The following CACHD1 variants were observed in gnomAD, a reference collection of about 807,000 sequenced individuals.
CACHD1 encodes the protein VWFA and cache domain-containing protein 1.
Under a neutral mutation model 138.7 loss-of-function variants are expected in CACHD1, and 71 were observed. That is an observed-to-expected ratio of 0.51 (90% confidence interval 0.42 to 0.62). CACHD1 has a LOEUF of 0.62. CACHD1 is among the 20% of genes least tolerant of loss of function. The probability of loss-of-function intolerance (pLI) is 0.00; values close to 1 mark genes in which losing one functional copy is unlikely to be tolerated. For synonymous variants in CACHD1, 578 were observed against 591.5 expected (o/e 0.98, Z 0.33); for missense variants, 1,389 against 1,625.3 (o/e 0.85, Z 2.50).
intron 3 of CACHD1, among the ~76,000 whole-genome samples, chr1:64,599,031 G>T (rs901143176): frequency 6.6e-6 from 1 of 151,604 alleles, no homozygotes; most frequent in Non-Finnish European, 1.5e-5. Flanking sequence ...TACAAAAGAG[G>T]TCTCAGAGAG....
At chr1:64,493,349 C>T (rs1015051622) in intron 1 of CACHD1, among the ~76,000 whole-genome samples, 1 of 152,104 alleles carries the variant, frequency 6.6e-6, no homozygotes, top group African/African-American at 2.4e-5. Flanking sequence ...TTCATGAAGC[C>T]AGTGTGATGA....
At chr1:64,678,539 C>G (rs1400097003) in intron 23 of CACHD1, among the ~76,000 whole-genome samples, 1 of 152,146 alleles carries the variant, frequency 6.6e-6, no homozygotes, top group African/African-American at 2.4e-5. Context: ...GGAATTCATT[C>G]CCATAAAGCT....
chr1:64,627,398 C>T (rs1315327337), intron 4 of CACHD1, among the ~76,000 whole-genome samples: 1 of 152,014 alleles, frequency 6.6e-6, no homozygotes, highest in East Asian at 1.9e-4. Flanking sequence ...CAGAGTGAGA[C>T]CCTGTCTCAA....
chr1:64,512,921 A>C (rs2100353817), intron 1 of CACHD1, among the ~76,000 whole-genome samples: 1 of 152,272 alleles, frequency 6.6e-6, no homozygotes, highest in African/African-American at 2.4e-5. Flanking sequence ...TTAATCTCTG[A>C]CCTCTGGATA....
intron 2 of CACHD1, among the ~76,000 whole-genome samples, chr1:64,572,333 A>G (rs571005234): frequency 2.0e-5 from 3 of 152,292 alleles, no homozygotes; most frequent in South Asian, 2.1e-4. Context: ...CAGATGTAAA[A>G]GAATCTCGGG....
At chr1:64,641,756 A>G in intron 7 of CACHD1, 64 bp from the exon 8 acceptor site, 2 of 1,333,328 alleles carry the variant, frequency 1.5e-6, no homozygotes, top group Non-Finnish European at 2.0e-6. Context: ...CATGAACAGG[A>G]AACTGAACTG....
intron 2 of CACHD1, among the ~76,000 whole-genome samples, chr1:64,559,599 CAT>C (rs1341025872): frequency 1.3e-5 from 2 of 152,112 alleles, no homozygotes; most frequent in African/African-American, 4.8e-5. Context: ...ACCCCCATGA[CAT>C]GTGTTTCTCT....
Position 64,470,625 on chromosome 1 carries a change from G to T in CACHD1, c.-120G>T. On this transcript the variant is annotated 5_prime_UTR_variant, in exon 1 of 27. Transcript: ENST00000651257. This position sits in a 1 kb window ranked among gnomAD's most constrained non-coding sequence, Gnocchi z 5.2. ...GGAGCCTTCGCCACCGCGGCGCGGAGCAGAGCCTGCAACAGAGGAAGAAAC... is the reference window on the plus strand; with the variant it reads ...GGAGCCTTCGCCACCGCGGCGCGGATCAGAGCCTGCAACAGAGGAAGAAAC... 1 of 396,368 alleles carries T rather than the reference G, an allele frequency of 2.5e-6. No homozygotes were observed. Among genetic ancestry groups the T allele is most frequent in the East Asian group, 4.1e-5 (1 of 24,406 alleles). 24.6% of individuals were successfully genotyped at this position (396,368 alleles called of 1,614,324 possible). A position where few individuals can be genotyped will look rare whatever the true frequency, so the allele number is the denominator to read the frequency against.
chr1:64,672,453 TTA>T (rs1292826583), intron 17 of CACHD1, among the ~76,000 whole-genome samples: 87 of 152,326 alleles, frequency 5.7e-4, no homozygotes, highest in African/African-American at 1.7e-3. Context: ...TAAGATATTT[TTA>T]TAGAGACAGA....
Position 64,681,551 on chromosome 1 carries a change from T to G in CACHD1, c.3484+216T>G, listed in dbSNP as rs917815912. On this transcript the variant is annotated intron_variant, in intron 25 of 26. Coordinates refer to ENST00000651257, the MANE Select transcript of CACHD1 (RefSeq NM_020925.4). ...AAAAGATTTTATTGTGTTTTTTTTT[T>G]TTTTTTTTTTTTTGCATTAAGTGTG... Among the ~76,000 whole-genome samples the G allele has an allele frequency of 3.9e-4, 45 of 114,942 alleles. 1 individual carries two copies. Among genetic ancestry groups the G allele is most frequent in the Non-Finnish European group, 5.7e-4 (28 of 49,398 alleles). 75.4% of individuals were successfully genotyped at this position (114,942 alleles called of 152,430 possible). A position where few individuals can be genotyped will look rare whatever the true frequency, so the allele number is the denominator to read the frequency against.
At position 64,634,116 on chromosome 1, in the gene CACHD1, C is replaced by A; in HGVS notation, c.862C>A (p.Pro288Thr). 6.2e-7 allele frequency: 1 copy of A among 1,613,244 alleles called. No homozygotes were observed. Among genetic ancestry groups the A allele is most frequent in the Non-Finnish European group, 8.5e-7 (1 of 1,179,896 alleles). ...CCAGTGCTATAAGACCTTCTTGTCT[C>A]CAGCCACCAGTGAGACAAAAAGGAA... ...LDQCYKTFLS[P>T]ATSETKRKMS... The change falls in exon 7 of 27, where the codon CCA becomes ACA. Residue 288 changes from proline to threonine, a missense_variant. Coordinates refer to ENST00000651257, the MANE Select transcript of CACHD1 (RefSeq NM_020925.4).
chr1:64,557,729 G>T (rs189750034), intron 2 of CACHD1, among the ~76,000 whole-genome samples: 1 of 151,778 alleles, frequency 6.6e-6, no homozygotes, highest in African/African-American at 2.4e-5. Context: ...ATCAAAAGAG[G>T]TGTCCACACT....
At chr1:64,651,076 C>T (rs931164949) in intron 9 of CACHD1, among the ~76,000 whole-genome samples, 2 of 152,110 alleles carry the variant, frequency 1.3e-5, no homozygotes, top group Admixed American at 6.5e-5. Flanking sequence ...TTTGCCCTTT[C>T]CCTAATTATC....
At chr1:64,478,826 A>G (rs562898819) in intron 1 of CACHD1, among the ~76,000 whole-genome samples, 2 of 152,266 alleles carry the variant, frequency 1.3e-5, no homozygotes, top group East Asian at 1.9e-4. Flanking sequence ...GACATGTGCC[A>G]AGGGTGAAGG....
chr1:64,566,994 G>A (rs1557496761), intron 2 of CACHD1, among the ~76,000 whole-genome samples: 3 of 151,992 alleles, frequency 2.0e-5, no homozygotes, highest in Non-Finnish European at 4.4e-5. Context: ...GCCAAAATTA[G>A]GTTTCTTGTG....
intron 2 of CACHD1, among the ~76,000 whole-genome samples, chr1:64,558,396 T>C (rs1190676602): frequency 6.6e-6 from 1 of 152,218 alleles, no homozygotes; most frequent in Non-Finnish European, 1.5e-5. Flanking sequence ...CTCAATGAGG[T>C]GAGCACCATT....
In CACHD1 at chr1:64,678,330, C is replaced by T; in HGVS notation, c.3244+20C>T. The T allele has an allele frequency of 6.5e-7, 1 of 1,530,808 alleles. No homozygotes were observed. The highest frequency in any genetic ancestry group is 8.8e-7 in the Non-Finnish European group (1 of 1,142,424). The allele number at this position is 1,530,808 out of a possible 1,614,324, so 94.8% of individuals were successfully genotyped here. ...CAATAGGTATGTTTGTTAGATGCCC[C>T]AACAATTTGATTCTTGAATATACAA... is the stretch of plus-strand genomic sequence containing the variant. On this transcript the variant is annotated intron_variant, in intron 23 of 26. Coordinates refer to ENST00000651257, the MANE Select transcript of CACHD1 (RefSeq NM_020925.4).
rs138218940 is a variant in CACHD1 at position 64,512,909 on chromosome 1, T to C, written c.199-37685T>C. On this transcript the variant is annotated intron_variant, in intron 1 of 26. Transcript: ENST00000651257. The stretch of plus-strand genomic sequence containing the variant: ...GTAAGATATACTTTATATTAGTGGA[T>C]GTTAATCTCTGACCTCTGGATATTT... 1.4e-3 allele frequency among the ~76,000 whole-genome samples: 212 copies of C among 152,322 alleles called. 1 individual carries two copies. The highest frequency in any genetic ancestry group is 5.0e-3 in the African/African-American group (207 of 41,578).
intron 1 of CACHD1, among the ~76,000 whole-genome samples, chr1:64,499,825 C>T (rs1646327547): frequency 1.3e-5 from 2 of 152,142 alleles, no homozygotes; most frequent in African/African-American, 4.8e-5. Flanking sequence ...TACTATGTTA[C>T]AGCTTTAAAA....
Sources: allele counts gnomAD v4.1 joint callset (sites outside exome capture counted in the v4.1 genomes callset), GRCh38; gene constraint gnomAD v4.1.1; non-coding constraint Gnocchi (gnomAD v3.1); transcripts MANE v1.5; gene names NCBI Gene and HGNC (gene_info 2026-07-23, HGNC 2026-07-21).